Variants in ACTR1A observed in about 807,000 individuals in gnomAD.
The protein encoded by ACTR1A is alpha-centractin.
Under a neutral mutation model 50.7 loss-of-function variants are expected in ACTR1A, and 10 were observed. The observed-to-expected ratio is 0.20, with a 90% confidence interval of 0.12 to 0.33. The LOEUF is 0.33. ACTR1A is among the 10% of genes least tolerant of loss of function. The probability of loss-of-function intolerance (pLI) is 1.00; values close to 1 mark genes in which losing one functional copy is unlikely to be tolerated. For missense variants in ACTR1A, 253 were observed against 491.7 expected, an observed-to-expected ratio of 0.51 and a Z score of 4.59; for synonymous variants, 177 against 184.2, an observed-to-expected ratio of 0.96 and a Z score of 0.32.
At chr10:102,495,567 T>TAA (rs996273029) in intron 1 of ACTR1A, among the ~76,000 whole-genome samples, 2 of 127,218 alleles carry the variant, frequency 1.6e-5, no homozygotes, top group African/African-American at 2.9e-5. Context: ...AGACTCCATC[T>TAA]AAAAAAAAAA....
In ACTR1A at chr10:102,482,035, G is replaced by A; in HGVS notation, c.891C>T (p.Asn297=). The A allele has an allele frequency of 6.2e-7, 1 of 1,614,222 alleles. No homozygotes were observed. The highest frequency in any genetic ancestry group is 2.2e-5 in the East Asian group (1 of 44,878). The change falls in exon 8 of 11, where the codon AAC becomes AAT. Residue 297 remains asparagine (N), a synonymous_variant. Coordinates refer to ENST00000369905, the MANE Select transcript of ACTR1A (RefSeq NM_005736.4). This position sits in a 1 kb window ranked among gnomAD's most constrained non-coding sequence, Gnocchi z 5.6. ...DMDLRRTLFS[N]IVLSGGSTLF... ...GGGTAGAGCCTCCTGAGAGGACAAT[G>A]TTAGAGAAAAGCGTGCGCCGCAGGT...
At position 102,479,673 on chromosome 10, in the gene ACTR1A, C is replaced by G. The variant is rs1564646829; in HGVS notation, c.*1190G>C. 7.8e-7 allele frequency: 1 copy of G among 1,289,444 alleles called. No homozygotes were observed. 79.9% of individuals were successfully genotyped at this position (1,289,444 alleles called of 1,614,324 possible). A position where few individuals can be genotyped will look rare whatever the true frequency, so the allele number is the denominator to read the frequency against. Reference sequence around the variant, plus strand: ...GGCACAAGATCAGCCCAGAGGGGGCCTTCCCACCTCTACAACCTAGTCCCC... The same window carrying G: ...GGCACAAGATCAGCCCAGAGGGGGCGTTCCCACCTCTACAACCTAGTCCCC... On this transcript the variant is annotated 3_prime_UTR_variant, in exon 11 of 11. Transcript: ENST00000369905. This position sits in a 1 kb window ranked among gnomAD's most constrained non-coding sequence, Gnocchi z 4.0.
At chr10:102,483,293 T>A in intron 6 of ACTR1A, 190 bp from the exon 7 acceptor site, 2 of 583,342 alleles carry the variant, frequency 3.4e-6, no homozygotes, top group South Asian at 4.1e-5. Flanking sequence ...GCATTTAGCA[T>A]ATGAGTTCTT....
In ACTR1A at chr10:102,488,088, G is replaced by T; in HGVS notation, c.315+62C>A. ...ATCATCGTCCTCCTCATCATCTCTA[G>T]GGTAGGAGTTTGACACAGCTTTGCA... On this transcript the variant is annotated intron_variant, in intron 4 of 10. Coordinates refer to ENST00000369905, the MANE Select transcript of ACTR1A (RefSeq NM_005736.4). The surrounding 1 kb of genome is among the most constrained non-coding windows in gnomAD (Gnocchi z 4.4). 6.4e-7 allele frequency: 1 copy of T among 1,564,498 alleles called. No individual in the cohort carries two copies. The highest frequency in any genetic ancestry group is 1.7e-5 in the Admixed American group (1 of 59,376).
chr10:102,489,011 T>A, intron 3 of ACTR1A, 52 bp downstream of exon 3: 1 of 1,375,704 alleles, frequency 7.3e-7, no homozygotes, highest in Non-Finnish European at 9.8e-7. Context: ...ATGTGGTGAA[T>A]AATGAAGGTC....
At chr10:102,487,559 A>G (rs2062174576) in intron 4 of ACTR1A, among the ~76,000 whole-genome samples, 1 of 152,132 alleles carries the variant, frequency 6.6e-6, no homozygotes, top group Non-Finnish European at 1.5e-5. Flanking sequence ...TTTGAATTCT[A>G]AAAGACATAG....
At chr10:102,494,631 T>A (rs2062211102) in intron 1 of ACTR1A, among the ~76,000 whole-genome samples, 1 of 151,540 alleles carries the variant, frequency 6.6e-6, no homozygotes, top group African/African-American at 2.4e-5. Flanking sequence ...TAAGACCCTG[T>A]CTCAAAACCA....
At chr10:102,492,304 T>G (rs1005618870) in intron 1 of ACTR1A, among the ~76,000 whole-genome samples, 2 of 149,740 alleles carry the variant, frequency 1.3e-5, no homozygotes, top group African/African-American at 4.9e-5. Context: ...CTCCTGACCT[T>G]GTGATCCACC....
intron 1 of ACTR1A, among the ~76,000 whole-genome samples, chr10:102,499,449 T>C (rs1286133531): frequency 6.6e-6 from 1 of 152,118 alleles, no homozygotes. Flanking sequence ...ATAAAGGACA[T>C]GTTTTCCCAG....
chr10:102,498,798 C>T (rs533639856), intron 1 of ACTR1A, among the ~76,000 whole-genome samples: 13 of 152,218 alleles, frequency 8.5e-5, no homozygotes, highest in African/African-American at 2.9e-4. Flanking sequence ...ATTTGAGTTT[C>T]AGAATAAACA....
intron 6 of ACTR1A, 50 bp from the exon 7 acceptor site, chr10:102,483,153 CCAGT>C (rs1407146754): frequency 7.3e-7 from 1 of 1,378,466 alleles, no homozygotes; most frequent in African/African-American, 1.4e-5. Context: ...TGGTGCACAT[CCAGT>C]CAAAGGCCCA....
Position 102,482,308 on chromosome 10 carries a change from T to C in ACTR1A, c.751-133A>G, listed in dbSNP as rs766153999. 1 of 809,236 alleles carries C rather than the reference T, an allele frequency of 1.2e-6. No individual in the cohort carries two copies. The highest frequency in any genetic ancestry group is 2.0e-6 in the Non-Finnish European group (1 of 505,648). 50.1% of individuals were successfully genotyped at this position (809,236 alleles called of 1,614,324 possible). On this transcript the variant is annotated intron_variant, in intron 7 of 10. Transcript: ENST00000369905. The surrounding 1 kb of genome is among the most constrained non-coding windows in gnomAD (Gnocchi z 5.6). ...TGAAGGCCAGGCTCAAGACAGACTC[T>C]ACATGTCAAGGGCTTAAAGGAACAA...
At position 102,480,786 on chromosome 10, in the gene ACTR1A, C is replaced by T. The variant is rs2062135168; in HGVS notation, c.*77G>A. The T allele has an allele frequency of 4.1e-6, 5 of 1,231,370 alleles. No homozygotes were observed. The highest frequency in any genetic ancestry group is 4.6e-5 in the East Asian group (2 of 43,086). 76.3% of individuals were successfully genotyped at this position (1,231,370 alleles called of 1,614,324 possible). ...ACGCACTCACACACAGGCAGTTCCT[C>T]GCAAACACTCCGACTCAAGAAAGCG... On this transcript the variant is annotated 3_prime_UTR_variant, in exon 11 of 11. Coordinates refer to ENST00000369905, the MANE Select transcript of ACTR1A (RefSeq NM_005736.4).
intron 1 of ACTR1A, among the ~76,000 whole-genome samples, chr10:102,491,185 A>T (rs1158829890): frequency 1.3e-5 from 2 of 152,194 alleles, no homozygotes; most frequent in African/African-American, 4.8e-5. Flanking sequence ...TTTGGGAATT[A>T]AAAATACTAG....
intron 1 of ACTR1A, among the ~76,000 whole-genome samples, chr10:102,495,729 A>AAAAT (rs1293552459): frequency 1.3e-4 from 19 of 149,454 alleles, no homozygotes; most frequent in East Asian, 1.0e-3. Context: ...CCTCCGTCTC[A>AAAAT]AAATAAATAA....
At position 102,480,605 on chromosome 10, in the gene ACTR1A, C is replaced by T; in HGVS notation, c.*258G>A. The stretch of plus-strand genomic sequence containing the variant: ...AGCCAGAGGCCACCTGAGGAGGGAG[C>T]ACAGCCTCTGCCAGCGCTCTTCCCT... On this transcript the variant is annotated 3_prime_UTR_variant, in exon 11 of 11. Transcript: ENST00000369905. 1.9e-6 allele frequency: 1 copy of T among 527,350 alleles called. No homozygotes were observed. The highest frequency in any genetic ancestry group is 3.4e-6 in the Non-Finnish European group (1 of 293,178). The allele number at this position is 527,350 out of a possible 1,614,324, so 32.7% of individuals were successfully genotyped here.
chr10:102,480,899 T>C lies in ACTR1A; in HGVS notation c.1095A>G (p.Glu365=), dbSNP rs2062136137. The C allele has an allele frequency of 6.2e-7, 1 of 1,614,140 alleles. No individual in the cohort carries two copies. The highest frequency in any genetic ancestry group is 8.5e-7 in the Non-Finnish European group (1 of 1,179,988). The change falls in exon 11 of 11, where the codon GAA becomes GAG. Residue 365 remains glutamate (E), a synonymous_variant. Transcript: ENST00000369905. ...TTCTGTGGATGGATCGGGCACCGTC[T>C]TCCTCATATTCCTTTTTGGAGACCC... The part of the protein sequence containing the change: ...KMWVSKKEYE[E]DGARSIHRKT...
At chr10:102,490,163 GCA>G (rs1234962445) in intron 2 of ACTR1A, among the ~76,000 whole-genome samples, 1 of 149,248 alleles carries the variant, frequency 6.7e-6, no homozygotes, top group East Asian at 2.0e-4. Flanking sequence ...AACCCGGGAT[GCA>G]GAGCTTGCAG....
intron 6 of ACTR1A, 50 bp from the exon 7 acceptor site, chr10:102,483,153 C>T: frequency 7.3e-7 from 1 of 1,378,584 alleles, no homozygotes; most frequent in Non-Finnish European, 1.0e-6. Flanking sequence ...TGGTGCACAT[C>T]CAGTCAAAGG....
Sources: allele counts gnomAD v4.1 joint callset (sites outside exome capture counted in the v4.1 genomes callset), GRCh38; gene constraint gnomAD v4.1.1; non-coding constraint Gnocchi (gnomAD v3.1); transcripts MANE v1.5; gene names NCBI Gene and HGNC (gene_info 2026-07-23, HGNC 2026-07-21).